MAP3K20: variants seen among roughly 807,000 people sequenced by gnomAD.
The protein encoded by MAP3K20 is mitogen-activated protein kinase kinase kinase 20.
Under a neutral mutation model 85.7 loss-of-function variants are expected in MAP3K20, and 40 were observed. The observed-to-expected ratio is 0.47, with a 90% CI of 0.36 to 0.61. The LOEUF (loss-of-function observed/expected upper bound fraction) is 0.61. Among genes scored for constraint, MAP3K20 ranks in the 20% least tolerant of loss-of-function variants. The pLI is 0.00. For synonymous variants in MAP3K20, 325 were observed against 327.7 expected, an observed-to-expected ratio of 0.99 and a Z score of 0.09; for missense variants, 817 against 961.7, an observed-to-expected ratio of 0.85 and a Z score of 1.99.
chr2:173,100,337 C>CT (rs1490579980), intron 2 of MAP3K20, among the ~76,000 whole-genome samples: 1 of 152,200 alleles, frequency 6.6e-6, no homozygotes, highest in Non-Finnish European at 1.5e-5. Flanking sequence ...TTGATGGAAA[C>CT]TAAGGCTCAG....
rs201768801 is a variant in MAP3K20, at chr2:173,266,552, G to C, written c.2205G>C (p.Arg735Ser). 2.9e-4 allele frequency: 466 copies of C among 1,613,682 alleles called. No homozygotes were observed. In the African/African-American group the frequency reaches 5.4e-3, roughly 19 times the overall value. Residue 735 changes from arginine (R) to serine (S), a missense_variant, in exon 20 of 20, where the codon AGG becomes AGC. Physicochemically the swap from Arg to Ser is moderately radical, Grantham distance 110. Coordinates refer to ENST00000375213, the MANE Select transcript of MAP3K20 (RefSeq NM_016653.3). The part of the protein sequence containing the change: ...HQSPDFKRSP[R>S]DLHQPNTIPG... Reference sequence around the variant, plus strand: ...CGCCTGACTTCAAGAGAAGCCCCAGGGACCTCCACCAACCCAACACCATAC... The same window carrying C: ...CGCCTGACTTCAAGAGAAGCCCCAGCGACCTCCACCAACCCAACACCATAC...
At chr2:173,250,320 C>A (rs1685014424) in intron 16 of MAP3K20, among the ~76,000 whole-genome samples, 1 of 152,208 alleles carries the variant, frequency 6.6e-6, no homozygotes, top group Non-Finnish European at 1.5e-5. Flanking sequence ...AATGAGCCCA[C>A]TAATTGCCTC....
In MAP3K20 at chr2:173,107,903, G is replaced by A. The variant is rs118171275; in HGVS notation, c.159+16713G>A. On this transcript the variant is annotated intron_variant, in intron 2 of 19. Transcript: ENST00000375213. ...AGCAGCAGACAGTCGGAACATATTC[G>A]AGATTTCTCCTCTCCCCTGTGGCTT... Among the ~76,000 whole-genome samples, 260 of 152,234 alleles carry A rather than the reference G, an allele frequency of 1.7e-3. 6 individuals carry two copies. In the East Asian group the frequency reaches 0.017, roughly 10 times the overall value.
At chr2:173,123,313 ATCT>A (rs1339528265) in intron 2 of MAP3K20, among the ~76,000 whole-genome samples, 3 of 152,082 alleles carry the variant, frequency 2.0e-5, no homozygotes. Flanking sequence ...AGCATTCTTT[ATCT>A]AACACCATGG....
At position 173,134,413 on chromosome 2, in the gene MAP3K20, TATATATATATATATA is replaced by T. The variant is rs1391455358; in HGVS notation, c.160-35391_160-35377del. ...CTATACATATATATATATATATATA[TATATATATATATATA>T]TTTTTTTTTTTTTTTTTTTGCAGAG... On this transcript the variant is annotated intron_variant, in intron 2 of 19. Transcript: ENST00000375213. 5.4e-4 allele frequency among the ~76,000 whole-genome samples: 7 copies of T among 12,854 alleles called. 1 individual carries two copies. Among genetic ancestry groups the T allele is most frequent in the South Asian group, 1.7e-3 (1 of 582 alleles). 8.4% of individuals were successfully genotyped at this position (12,854 alleles called of 152,430 possible). A position where few individuals can be genotyped will look rare whatever the true frequency, so the allele number is the denominator to read the frequency against.
chr2:173,119,588 C>T (rs1188548087), intron 2 of MAP3K20, among the ~76,000 whole-genome samples: 3 of 152,216 alleles, frequency 2.0e-5, no homozygotes, highest in Admixed American at 6.5e-5. Context: ...TCCAGTATCA[C>T]GAGGCAGCAC....
At chr2:173,261,734 C>T (rs1427588123) in intron 18 of MAP3K20, among the ~76,000 whole-genome samples, 5 of 152,256 alleles carry the variant, frequency 3.3e-5, no homozygotes, top group East Asian at 1.9e-4. Flanking sequence ...TGAAAAATAT[C>T]GTCCAGGCGC....
At chr2:173,180,906 T>C (rs1690305776) in intron 3 of MAP3K20, among the ~76,000 whole-genome samples, 1 of 152,024 alleles carries the variant, frequency 6.6e-6, no homozygotes, top group Admixed American at 6.5e-5. Context: ...TTATAAAAAT[T>C]AACAATTTCT....
chr2:173,121,978 T>A (rs904197552), intron 2 of MAP3K20, among the ~76,000 whole-genome samples: 1 of 152,204 alleles, frequency 6.6e-6, no homozygotes, highest in Non-Finnish European at 1.5e-5. Flanking sequence ...CTGAATGACA[T>A]CCGCAGAGCA....
intron 9 of MAP3K20, chr2:173,207,703 C>T (rs182078681): frequency 5.1e-4 from 76 of 147,850 alleles, no homozygotes; most frequent in African/African-American, 1.7e-3. Flanking sequence ...TATGTAGATG[C>T]TTCACAAATG....
At chr2:173,081,659 A>G (rs879224969) in intron 1 of MAP3K20, among the ~76,000 whole-genome samples, 1 of 152,178 alleles carries the variant, frequency 6.6e-6, no homozygotes, top group Admixed American at 6.5e-5. Flanking sequence ...GAAACCTGGA[A>G]TGTGGCTCTT....
At chr2:173,194,009 C>G (rs901951233) in intron 7 of MAP3K20, among the ~76,000 whole-genome samples, 1 of 152,168 alleles carries the variant, frequency 6.6e-6, no homozygotes, top group African/African-American at 2.4e-5. Flanking sequence ...CCTGTCCACC[C>G]CATCATGTGA....
intron 1 of MAP3K20, among the ~76,000 whole-genome samples, chr2:173,088,233 C>T (rs1687195639): frequency 6.6e-6 from 1 of 152,012 alleles, no homozygotes; most frequent in Non-Finnish European, 1.5e-5. Context: ...AAACGTTATC[C>T]AAGAAAGGAA....
intron 16 of MAP3K20, among the ~76,000 whole-genome samples, chr2:173,250,105 T>G (rs1293597477): frequency 2.0e-5 from 3 of 152,228 alleles, no homozygotes; most frequent in Non-Finnish European, 4.4e-5. Flanking sequence ...GTGTCAAGTT[T>G]TATTTGATTC....
At chr2:173,076,926 A>C (rs909004243) in intron 1 of MAP3K20, among the ~76,000 whole-genome samples, 2 of 152,206 alleles carry the variant, frequency 1.3e-5, no homozygotes, top group Non-Finnish European at 2.9e-5. Context: ...TTGCCTAAAA[A>C]ATTTTTTTAA....
At chr2:173,083,540 T>C (rs1308823330) in intron 1 of MAP3K20, among the ~76,000 whole-genome samples, 1 of 151,674 alleles carries the variant, frequency 6.6e-6, no homozygotes, top group Non-Finnish European at 1.5e-5. Flanking sequence ...TTTTTAGTGA[T>C]TAAAAAAAAA....
At chr2:173,265,545 C>T (rs1476049827) in intron 19 of MAP3K20, among the ~76,000 whole-genome samples, 1 of 152,180 alleles carries the variant, frequency 6.6e-6, no homozygotes, top group Non-Finnish European at 1.5e-5. Flanking sequence ...TTTCTCTTAT[C>T]TGCATTTAGG....
chr2:173,181,366 G>GA (rs34878141), intron 3 of MAP3K20, among the ~76,000 whole-genome samples: 58,533 of 146,708 alleles, frequency 0.4, 11,678 homozygotes, highest in Admixed American at 0.5. Flanking sequence ...CCCTTTCTCA[G>GA]AAAAAAAAAA....
Position 173,266,297 on chromosome 2 carries a change from A to G in MAP3K20, c.1950A>G (p.Leu650=). The G allele has an allele frequency of 4.3e-6, 7 of 1,614,034 alleles. No individual in the cohort carries two copies. Among genetic ancestry groups the G allele is most frequent in the Non-Finnish European group, 5.9e-6 (7 of 1,180,006 alleles). The change falls in exon 20 of 20, where the codon CTA becomes CTG. Residue 650 remains leucine (L), a synonymous_variant. Coordinates refer to ENST00000375213, the MANE Select transcript of MAP3K20 (RefSeq NM_016653.3). The part of the protein sequence containing the change: ...QYGLTKNFSS[L]HLNSRDSGFS... ...GACTGACCAAAAACTTCTCTTCCCT[A>G]CATCTCAACTCTAGGGACAGTGGCT...
Sources: gnomAD v4.1 joint callset for allele counts (sites outside exome capture counted in the v4.1 genomes callset) on GRCh38, gnomAD v4.1.1 for gene constraint, MANE v1.5 for transcripts, NCBI Gene and HGNC (gene_info 2026-07-23, HGNC 2026-07-21) for gene names.